The following LRRIQ3 variants were observed in gnomAD, a reference collection of about 807,000 sequenced individuals.
LRRIQ3 encodes the protein leucine-rich repeat and IQ domain-containing protein 3.
In LRRIQ3, 75 loss-of-function variants were observed where a neutral mutation model predicts 59.3. The ratio of observed to expected loss-of-function variants is 1.26; its 90% CI spans 1.05 to 1.53. LRRIQ3 has a LOEUF of 1.53. LRRIQ3 is among the 40% of genes most tolerant of loss of function. LRRIQ3 has a pLI of 0.00. For synonymous variants in LRRIQ3, 250 were observed against 231.3 expected (o/e 1.08, Z -0.73); for missense variants, 831 against 710.0 (o/e 1.17, Z -1.94).
intron 3 of LRRIQ3, among the ~76,000 whole-genome samples, chr1:74,160,121 T>A (rs919954175): frequency 1.3e-5 from 2 of 152,108 alleles, no homozygotes; most frequent in Non-Finnish European, 2.9e-5. Context: ...TCTTGCAAGA[T>A]AAAGTCCTGT....
intron 6 of LRRIQ3, among the ~76,000 whole-genome samples, chr1:74,064,329 T>C (rs541496470): frequency 1.3e-5 from 2 of 152,092 alleles, no homozygotes; most frequent in African/African-American, 4.8e-5. Context: ...CTGCCTCCTT[T>C]ATGCTGTTAT....
rs781399229 is a variant in LRRIQ3, at chr1:74,041,661, C to A, written c.1270G>T (p.Asp424Tyr). The A allele has an allele frequency of 1.2e-6, 2 of 1,613,606 alleles. No homozygotes were observed. Among genetic ancestry groups the A allele is most frequent in the Admixed American group, 3.3e-5 (2 of 59,964 alleles). The part of the protein sequence containing the change: ...GMKLRTFSDI[D>Y]KYYTEQKKQE... ...TTCTTTTGTTCTGTGTAATATTTGT[C>A]AATATCACTAAATGTTCGGAGTTTC... Residue 424 changes from aspartate to tyrosine, a missense_variant, in exon 7 of 8, where the codon GAC (aspartate) becomes TAC (tyrosine). Asp to Tyr is a radical substitution (Grantham distance 160). Transcript: ENST00000354431.
At chr1:74,105,343 T>C (rs2100552049) in intron 5 of LRRIQ3, among the ~76,000 whole-genome samples, 1 of 151,598 alleles carries the variant, frequency 6.6e-6, no homozygotes, top group Middle Eastern at 3.4e-3. Flanking sequence ...CCTCCGCCTC[T>C]GGGATTCAAG....
intron 3 of LRRIQ3, among the ~76,000 whole-genome samples, chr1:74,158,992 T>C (rs561684954): frequency 1.1e-3 from 172 of 152,242 alleles, no homozygotes; most frequent in Middle Eastern, 6.8e-3. Context: ...CAGCCCCTCT[T>C]AAGAATAGGT....
At chr1:74,187,425 C>A (rs1318643757) in intron 1 of LRRIQ3, among the ~76,000 whole-genome samples, 1 of 151,852 alleles carries the variant, frequency 6.6e-6, no homozygotes, top group Non-Finnish European at 1.5e-5. Context: ...AAAACAATGT[C>A]TTCTGCAGCA....
intron 6 of LRRIQ3, among the ~76,000 whole-genome samples, chr1:74,063,252 GAA>G (rs1460145240): frequency 6.6e-6 from 1 of 151,766 alleles, no homozygotes; most frequent in Non-Finnish European, 1.5e-5. Flanking sequence ...AATGAATAAA[GAA>G]AATGTTTTGT....
chr1:74,045,462 A>G (rs1654173455), intron 6 of LRRIQ3, among the ~76,000 whole-genome samples: 1 of 152,188 alleles, frequency 6.6e-6, no homozygotes, highest in Non-Finnish European at 1.5e-5. Flanking sequence ...AACGTATCTC[A>G]AAATAATAAG....
intron 4 of LRRIQ3, among the ~76,000 whole-genome samples, chr1:74,151,227 A>G (rs1647922784): frequency 6.6e-6 from 1 of 151,996 alleles, no homozygotes; most frequent in African/African-American, 2.4e-5. Context: ...CATGTTGGCC[A>G]GAATGCTCTC....
chr1:74,060,180 T>G (rs1472997538), intron 6 of LRRIQ3, among the ~76,000 whole-genome samples: 2 of 145,670 alleles, frequency 1.4e-5, no homozygotes, highest in Non-Finnish European at 3.0e-5. Flanking sequence ...CATCTTCTTC[T>G]TCTTCTTTTT....
intron 6 of LRRIQ3, among the ~76,000 whole-genome samples, chr1:74,062,685 G>A (rs576650447): frequency 1.3e-5 from 2 of 152,088 alleles, no homozygotes; most frequent in Non-Finnish European, 2.9e-5. Context: ...GTCCTTTGTA[G>A]TAACATGGTT....
At chr1:74,048,250 G>C (rs1019953057) in intron 6 of LRRIQ3, among the ~76,000 whole-genome samples, 1 of 152,114 alleles carries the variant, frequency 6.6e-6, no homozygotes, top group African/African-American at 2.4e-5. Context: ...TGGATAATAG[G>C]AGTGCTCAGA....
chr1:74,081,323 G>C (rs1646271357), intron 5 of LRRIQ3, among the ~76,000 whole-genome samples: 1 of 151,448 alleles, frequency 6.6e-6, no homozygotes, highest in Non-Finnish European at 1.5e-5. Context: ...AAGAACACAT[G>C]ACAAAAAAGA....
chr1:74,176,876 C>T lies in LRRIQ3; in HGVS notation c.573+5662G>A, dbSNP rs537741009. Among the ~76,000 whole-genome samples the T allele has an allele frequency of 1.9e-3, 291 of 152,248 alleles. 1 individual carries two copies. The highest frequency in any genetic ancestry group is 6.7e-3 in the African/African-American group (277 of 41,564). ...TGAAATCCCTGGTTCCTTACTTGGC[C>T]TCCTTTGACATCACCCTACAGGGTG... On this transcript the variant is annotated intron_variant, in intron 3 of 7. Transcript: ENST00000354431.
At position 74,107,409 on chromosome 1, in the gene LRRIQ3, T is replaced by A. The variant is rs190454352; in HGVS notation, c.867+1985A>T. Among the ~76,000 whole-genome samples the A allele has an allele frequency of 2.0e-5, 3 of 151,968 alleles. No homozygotes were observed. The East Asian group carries it at 5.8e-4, about 30-fold the overall frequency. On this transcript the variant is annotated intron_variant, in intron 5 of 7. Transcript: ENST00000354431. ...ACTCCTTAACCCTTTCACTGTTCCT[T>A]TAGATTTATCAATTATCACTATAGT... is the stretch of plus-strand genomic sequence containing the variant.
intron 7 of LRRIQ3, among the ~76,000 whole-genome samples, chr1:74,028,818 T>C (rs1417239376): frequency 1.3e-5 from 2 of 151,944 alleles, no homozygotes; most frequent in Non-Finnish European, 2.9e-5. Flanking sequence ...CATTTAATAA[T>C]CATTTTAGTA....
Position 74,105,964 on chromosome 1 carries a change from A to G in LRRIQ3, c.867+3430T>C, listed in dbSNP as rs145930161. Among the ~76,000 whole-genome samples, 87 of 152,100 alleles carry G rather than the reference A, an allele frequency of 5.7e-4. No homozygotes were observed. In the East Asian group the frequency reaches 0.015, roughly 26 times the overall value. ...ACAAAGCCATAGAGTACAAGATGTG[A>G]ACATTCAGTATGTTAGAAGTGGTTC... On this transcript the variant is annotated intron_variant, in intron 5 of 7. Coordinates refer to ENST00000354431, the MANE Select transcript of LRRIQ3 (RefSeq NM_001105659.2).
At chr1:74,127,034 G>A (rs574627204) in intron 4 of LRRIQ3, among the ~76,000 whole-genome samples, 18 of 151,934 alleles carry the variant, frequency 1.2e-4, no homozygotes, top group Admixed American at 3.3e-4. Flanking sequence ...GGGTGCTCCA[G>A]TGTTGGGTGC....
rs751977298 is a variant in LRRIQ3 at position 74,041,796 on chromosome 1, G to GA, written c.1134dup (p.Pro379SerfsTer17). ...GTATAGATTGGCTGAGGATATGCAG[G>GA]AAAAAAATGTTGTTTTTTCTCTCTC... On this transcript the variant is annotated frameshift_variant, in exon 7 of 8. Coordinates refer to ENST00000354431, the MANE Select transcript of LRRIQ3 (RefSeq NM_001105659.2). LOFTEE classifies it high-confidence loss of function. The GA allele has an allele frequency of 3.7e-6, 6 of 1,613,230 alleles. No homozygotes were observed. Among genetic ancestry groups the GA allele is most frequent in the Non-Finnish European group, 5.1e-6 (6 of 1,179,670 alleles).
chr1:74,154,240 C>CAAACAAAAAAAAAAAAAA (rs1648176929), intron 4 of LRRIQ3, among the ~76,000 whole-genome samples: 8 of 57,278 alleles, frequency 1.4e-4, no homozygotes, highest in African/African-American at 5.8e-4. Flanking sequence ...GACTCCTTCT[C>CAAACAAAAAAAAAAAAAA]AAAAAAAAAA....
Sources: allele counts gnomAD v4.1 joint callset (sites outside exome capture counted in the v4.1 genomes callset), GRCh38; gene constraint gnomAD v4.1.1; transcripts MANE v1.5; gene names NCBI Gene and HGNC (gene_info 2026-07-23, HGNC 2026-07-21).